PFKM: variants seen among roughly 807,000 people sequenced by gnomAD.
PFKM encodes the protein ATP-dependent 6-phosphofructokinase, muscle type.
In PFKM, 58 loss-of-function variants were observed where a neutral mutation model predicts 95.5. The observed-to-expected ratio is 0.61, with a 90% CI of 0.49 to 0.76. The LOEUF is 0.76. Among genes scored for constraint, PFKM ranks in the 30% least tolerant of loss-of-function variants. PFKM has a pLI of 0.00. For synonymous variants in PFKM, 336 were observed against 357.2 expected (o/e 0.94, Z 0.67); for missense variants, 678 against 1,005.4 (o/e 0.67, Z 4.40).
At chr12:48,140,267 G>T (rs1388662868) in intron 13 of PFKM, among the ~76,000 whole-genome samples, 1 of 152,180 alleles carries the variant, frequency 6.6e-6, no homozygotes, top group Non-Finnish European at 1.5e-5. Context: ...TGGAGTAGTG[G>T]TTCTCAATAT....
chr12:48,123,963 A>T (rs989815060), intron 2 of PFKM, among the ~76,000 whole-genome samples: 1 of 152,204 alleles, frequency 6.6e-6, no homozygotes, highest in African/African-American at 2.4e-5. Flanking sequence ...AGGTGCTTAG[A>T]ACAGTAGCAG....
chr12:48,144,916 C>G, intron 20 of PFKM, 115 bp from the exon 21 acceptor site: 1 of 783,018 alleles, frequency 1.3e-6, no homozygotes, highest in Non-Finnish European at 2.2e-6. Flanking sequence ...CTTCTGGATT[C>G]CTGTTTTGGG....
chr12:48,107,980 A>G, intron 2 of PFKM: 1 of 1,299,340 alleles, frequency 7.7e-7, no homozygotes, highest in Non-Finnish European at 1.1e-6. Flanking sequence ...AGCCCTGGAC[A>G]GCTCAGAGTC....
At chr12:48,129,721 G>C (rs752428002) in intron 2 of PFKM, among the ~76,000 whole-genome samples, 7 of 152,164 alleles carry the variant, frequency 4.6e-5, no homozygotes, top group Non-Finnish European at 7.3e-5. Context: ...ACTGTGACTT[G>C]CCAGGTTACT....
Position 48,119,371 on chromosome 12 carries a change from A to G in PFKM, c.-44A>G. On this transcript the variant is annotated 5_prime_UTR_variant, in exon 1 of 23. Coordinates refer to ENST00000359794, the MANE Select transcript of PFKM (RefSeq NM_000289.6). ...CCCCCCTTTCCCAAGGACAATCTGC[A>G]AGAAAGCAGCGGCGGAGGAGAGCTA... is the stretch of plus-strand genomic sequence containing the variant. 1 of 985,800 alleles carries G rather than the reference A, an allele frequency of 1.0e-6. No individual in the cohort carries two copies. Among genetic ancestry groups the G allele is most frequent in the Non-Finnish European group, 1.2e-6 (1 of 830,148 alleles). The allele number at this position is 985,800 out of a possible 1,614,324, so 61.1% of individuals were successfully genotyped here.
chr12:48,132,389 G>A (rs969221656), intron 4 of PFKM, among the ~76,000 whole-genome samples: 1 of 152,180 alleles, frequency 6.6e-6, no homozygotes, highest in African/African-American at 2.4e-5. Context: ...GAAAGGATTG[G>A]CAGTACCTGG....
intron 2 of PFKM, among the ~76,000 whole-genome samples, chr12:48,129,526 C>G (rs1471600162): frequency 6.6e-6 from 1 of 152,010 alleles, no homozygotes; most frequent in Non-Finnish European, 1.5e-5. Flanking sequence ...GAATAGAGTC[C>G]CCACCAATTC....
chr12:48,105,788 G>C (rs557324456), upstream of PFKM: 1 of 582,950 alleles, frequency 1.7e-6, no homozygotes, highest in South Asian at 2.0e-5. Context: ...CCAGGAGAGA[G>C]AGACCAGAAG....
chr12:48,134,656 T>C, intron 7 of PFKM, 65 bp from the exon 8 acceptor site: 2 of 1,116,524 alleles, frequency 1.8e-6, no homozygotes, highest in Non-Finnish European at 2.7e-6. Context: ...GAGAACTTGT[T>C]GGGTATGGGT....
At chr12:48,112,937 T>C (rs756699213) in intron 3 of PFKM, among the ~76,000 whole-genome samples, 2 of 151,998 alleles carry the variant, frequency 1.3e-5, no homozygotes, top group Non-Finnish European at 2.9e-5. Flanking sequence ...GGGTGCATGA[T>C]CAGTCGCCAA....
chr12:48,139,228 C>G (rs1950369124), intron 11 of PFKM, 57 bp from the exon 12 acceptor site: 2 of 1,362,334 alleles, frequency 1.5e-6, no homozygotes, highest in East Asian at 2.3e-5. Context: ...GGATGGAGTT[C>G]CAGCTGTGCA....
At chr12:48,142,180 A>T (rs764274273) in intron 17 of PFKM, 114 bp downstream of exon 17, 30 of 1,127,790 alleles carry the variant, frequency 2.7e-5, no homozygotes, top group Admixed American at 2.4e-4. Flanking sequence ...AATGTTTGAA[A>T]ATGATTCTTC....
intron 10 of PFKM, 102 bp from the exon 11 acceptor site, chr12:48,137,619 A>G (rs1950215897): frequency 2.2e-6 from 3 of 1,357,608 alleles, no homozygotes; most frequent in South Asian, 1.2e-5. Flanking sequence ...TGTGAGACTC[A>G]GTCTTGTGAT....
upstream of PFKM, among the ~76,000 whole-genome samples, chr12:48,115,918 T>C (rs1351191538): frequency 6.6e-6 from 1 of 152,184 alleles, no homozygotes; most frequent in Non-Finnish European, 1.5e-5. Context: ...AGATTTTGTG[T>C]GTACATATGT....
chr12:48,130,721 G>T (rs563569926), intron 3 of PFKM, among the ~76,000 whole-genome samples: 1 of 152,278 alleles, frequency 6.6e-6, no homozygotes, highest in East Asian at 1.9e-4. Flanking sequence ...GAAAGAAATG[G>T]AAATGGGTAG....
chr12:48,138,792 C>T (rs186375719), intron 11 of PFKM, among the ~76,000 whole-genome samples: 17 of 152,332 alleles, frequency 1.1e-4, no homozygotes, highest in African/African-American at 3.8e-4. Flanking sequence ...CGGTGGCTCA[C>T]GCCTATAATC....
In PFKM at chr12:48,142,960, C is replaced by T; in HGVS notation, c.1818+14C>T. ...CGAGACCTGCAGGTAGCTGGCCACC[C>T]AGAGCCTGCTAGATAGCTCTCCCCT... On this transcript the variant is annotated intron_variant, in intron 18 of 22. Transcript: ENST00000359794. 6.2e-7 allele frequency: 1 copy of T among 1,611,100 alleles called. No individual in the cohort carries two copies. The highest frequency in any genetic ancestry group is 1.1e-5 in the South Asian group (1 of 90,910).
rs1449433151 is a variant in PFKM, at chr12:48,130,391, T to C, written c.114T>C (p.Val38=). ...QGMNAAVRAV[V]RVGIFTGARV... ...TGAATGCTGCTGTCAGGGCTGTGGT[T>C]CGAGTTGGTATCTTCACCGGTGCCC... is the stretch of plus-strand genomic sequence containing the variant. The change falls in exon 3 of 23, where the codon GTT becomes GTC. Residue 38 remains valine (V), a synonymous_variant. Transcript: ENST00000359794. 1.9e-6 allele frequency: 3 copies of C among 1,613,962 alleles called. No individual in the cohort carries two copies. In the African/African-American group the frequency reaches 4.0e-5, roughly 22 times the overall value.
At chr12:48,122,885 G>T (rs770359008) in intron 2 of PFKM, 26 bp downstream of exon 2, 4 of 1,607,160 alleles carry the variant, frequency 2.5e-6, no homozygotes, top group Non-Finnish European at 2.6e-6. Flanking sequence ...CAAAAAACAT[G>T]GCTGGTGGGA....
Sources: allele counts gnomAD v4.1 joint callset (sites outside exome capture counted in the v4.1 genomes callset), GRCh38; gene constraint gnomAD v4.1.1; transcripts MANE v1.5; gene names NCBI Gene and HGNC (gene_info 2026-07-23, HGNC 2026-07-21).